The following PEBP4 variants were observed in gnomAD, a reference collection of about 807,000 sequenced individuals.
PEBP4 encodes phosphatidylethanolamine-binding protein 4.
PEBP4 carries 22 observed loss-of-function variants against 23.9 expected under a neutral mutation model. The observed-to-expected ratio is 0.92, with a 90% confidence interval of 0.66 to 1.31. The LOEUF (loss-of-function observed/expected upper bound fraction) is 1.31. PEBP4 is among the 40% of genes most tolerant of loss of function. The pLI is 0.00. For missense variants in PEBP4, 324 were observed against 281.7 expected (o/e 1.15, Z -1.07); for synonymous variants, 112 against 99.3 (o/e 1.13, Z -0.76).
At chr8:22,715,380 G>C (rs954214962) in intron 6 of PEBP4, among the ~76,000 whole-genome samples, 1 of 152,236 alleles carries the variant, frequency 6.6e-6, no homozygotes, top group Admixed American at 6.5e-5. Context: ...ATGACCCTGG[G>C]AACGAGTGTG....
At chr8:22,894,673 C>T (rs368310324) in intron 3 of PEBP4, among the ~76,000 whole-genome samples, 16 of 152,188 alleles carry the variant, frequency 1.1e-4, no homozygotes, top group South Asian at 6.2e-4. Context: ...GAATCTCCCA[C>T]GGTTTGTAGT....
rs1807892292 is a variant in PEBP4, at chr8:22,865,940, C to T, written c.259-48205G>A. ...ACACGCGCCTCGAGGTGTGGCCCGG[C>T]GCCGGGCGGTGCTGCCCGGAGAGCG... is the stretch of plus-strand genomic sequence containing the variant. On this transcript the variant is annotated intron_variant, in intron 3 of 6. Transcript: ENST00000256404. The surrounding 1 kb of genome is among the most constrained non-coding windows in gnomAD (Gnocchi z 6.9). 6.6e-6 allele frequency among the ~76,000 whole-genome samples: 1 copy of T among 151,970 alleles called. No homozygotes were observed. The highest frequency in any genetic ancestry group is 1.5e-5 in the Non-Finnish European group (1 of 67,938).
At chr8:22,876,058 G>C (rs1470676527) in intron 3 of PEBP4, among the ~76,000 whole-genome samples, 3 of 151,970 alleles carry the variant, frequency 2.0e-5, no homozygotes, top group African/African-American at 7.3e-5. Context: ...TTACAGGTAT[G>C]CACCACCACA....
intron 4 of PEBP4, 84 bp from the exon 5 acceptor site, chr8:22,727,304 C>T: frequency 7.4e-7 from 1 of 1,354,688 alleles, no homozygotes; most frequent in South Asian, 1.2e-5. Flanking sequence ...GCTTCTCTCT[C>T]TGCAGGAGGA....
intron 3 of PEBP4, among the ~76,000 whole-genome samples, chr8:22,866,809 A>G (rs1807912880): frequency 1.3e-5 from 2 of 152,204 alleles, no homozygotes; most frequent in South Asian, 4.2e-4. Context: ...GAATTTTATA[A>G]TAAGAAAAAA....
intron 3 of PEBP4, among the ~76,000 whole-genome samples, chr8:22,840,751 T>C (rs1396208583): frequency 1.3e-5 from 2 of 152,214 alleles, no homozygotes; most frequent in African/African-American, 4.8e-5. Context: ...GTGTGTTTGC[T>C]CCCATCACCA....
At chr8:22,776,667 CT>C (rs1420017321) in intron 4 of PEBP4, among the ~76,000 whole-genome samples, 1 of 151,808 alleles carries the variant, frequency 6.6e-6, no homozygotes. Flanking sequence ...CCCATCTCTA[CT>C]TTCACCATCT....
intron 4 of PEBP4, among the ~76,000 whole-genome samples, chr8:22,753,486 C>G (rs1805310935): frequency 6.6e-6 from 1 of 152,166 alleles, no homozygotes; most frequent in African/African-American, 2.4e-5. Flanking sequence ...AGTGAAGCAG[C>G]CTTCTTTTAA....
At chr8:22,731,646 TATCTA>T (rs1804735139) in intron 4 of PEBP4, among the ~76,000 whole-genome samples, 1 of 103,784 alleles carries the variant, frequency 9.6e-6, no homozygotes, top group East Asian at 2.0e-4. Flanking sequence ...TTTATTTATC[TATCTA>T]TCTATTTATT....
intron 3 of PEBP4, among the ~76,000 whole-genome samples, chr8:22,874,209 A>AGGGAAAGAAGT (rs1808071670): frequency 1.3e-5 from 2 of 152,218 alleles, no homozygotes; most frequent in Non-Finnish European, 2.9e-5. Context: ...AATAGTGGAA[A>AGGGAAAGAAGT]GGGAAAGAAG....
chr8:22,742,881 C>T (rs752699454), intron 4 of PEBP4, among the ~76,000 whole-genome samples: 8 of 152,162 alleles, frequency 5.3e-5, no homozygotes, highest in Non-Finnish European at 1.2e-4. Context: ...CTGTATGGGG[C>T]GGCTTGCAGT....
chr8:22,932,698 GCCT>G (rs10540886), upstream of PEBP4, among the ~76,000 whole-genome samples: 68,388 of 151,704 alleles, frequency 0.45, 17,263 homozygotes, highest in African/African-American at 0.69. Flanking sequence ...ATTTTTAAAA[GCCT>G]CCTTCAAAAT....
At chr8:22,749,997 G>T (rs1805218162) in intron 4 of PEBP4, among the ~76,000 whole-genome samples, 1 of 151,664 alleles carries the variant, frequency 6.6e-6, no homozygotes, top group African/African-American at 2.4e-5. Context: ...GTAAAGACGG[G>T]GTTTCTCCGT....
intron 6 of PEBP4, among the ~76,000 whole-genome samples, chr8:22,717,639 T>C (rs1454974040): frequency 6.6e-6 from 1 of 152,200 alleles, no homozygotes; most frequent in African/African-American, 2.4e-5. Flanking sequence ...CAGGGCGGTC[T>C]CTGTAAGGAC....
intron 3 of PEBP4, among the ~76,000 whole-genome samples, chr8:22,911,020 G>C (rs1808927869): frequency 6.6e-6 from 1 of 152,138 alleles, no homozygotes; most frequent in Non-Finnish European, 1.5e-5. Flanking sequence ...GCTGAGGGTA[G>C]GGGAGGCTGT....
At chr8:22,913,772 T>A (rs1466485055) in intron 3 of PEBP4, among the ~76,000 whole-genome samples, 1 of 152,232 alleles carries the variant, frequency 6.6e-6, no homozygotes, top group South Asian at 2.1e-4. Flanking sequence ...CCTTCTGCTG[T>A]ATTTTGACAC....
chr8:22,721,823 A>T (rs530576977), intron 6 of PEBP4, among the ~76,000 whole-genome samples: 5 of 152,220 alleles, frequency 3.3e-5, no homozygotes, highest in Non-Finnish European at 5.9e-5. Context: ...TGGCCTCCCA[A>T]GCACTGGTCC....
chr8:22,927,503 T>G, intron 2 of PEBP4, 81 bp downstream of exon 2: 1 of 1,479,892 alleles, frequency 6.8e-7, no homozygotes, highest in South Asian at 1.4e-5. Flanking sequence ...TGGTGCTTCT[T>G]GGTTCTGGAT....
intron 3 of PEBP4, among the ~76,000 whole-genome samples, chr8:22,879,811 G>A (rs530315839): frequency 2.0e-5 from 3 of 152,296 alleles, no homozygotes; most frequent in East Asian, 1.9e-4. Context: ...AGCATTGATC[G>A]ATGGGAGTTT....
Sources: allele counts gnomAD v4.1 joint callset (sites outside exome capture counted in the v4.1 genomes callset), GRCh38; gene constraint gnomAD v4.1.1; non-coding constraint Gnocchi (gnomAD v3.1); transcripts MANE v1.5; gene names NCBI Gene and HGNC (gene_info 2026-07-23, HGNC 2026-07-21).